Variants in VPS13B observed in about 807,000 individuals in gnomAD.
VPS13B encodes intermembrane lipid transfer protein VPS13B.
Under a neutral mutation model 426.4 loss-of-function variants are expected in VPS13B, and 285 were observed. That is an observed-to-expected ratio of 0.67 (90% confidence interval 0.61 to 0.74). The LOEUF (loss-of-function observed/expected upper bound fraction) is 0.74, where lower values mean the gene tolerates loss of function less well. VPS13B is among the 30% of genes least tolerant of loss of function. VPS13B has a pLI of 0.00. For missense variants in VPS13B, 4,537 were observed against 4,782.6 expected, an observed-to-expected ratio of 0.95 and a Z score of 1.51; for synonymous variants, 1,676 against 1,676.4, an observed-to-expected ratio of 1.00 and a Z score of 0.01.
chr8:99,764,380 G>A (rs1308484229), intron 39 of VPS13B, among the ~76,000 whole-genome samples: 2 of 141,898 alleles, frequency 1.4e-5, no homozygotes, highest in East Asian at 2.0e-4. Context: ...TTTCCTAGAT[G>A]TCTTTTTGTG....
chr8:99,139,021 T>G (rs2132566305), intron 12 of VPS13B, among the ~76,000 whole-genome samples: 1 of 152,314 alleles, frequency 6.6e-6, no homozygotes, highest in Admixed American at 6.5e-5. Context: ...AACTTTTGGG[T>G]TTTTCATATT....
chr8:99,669,708 G>A (rs1830629661), intron 35 of VPS13B, among the ~76,000 whole-genome samples: 1 of 151,964 alleles, frequency 6.6e-6, no homozygotes, highest in Admixed American at 6.6e-5. Flanking sequence ...TAATTTACCT[G>A]TCTAGTTGTC....
intron 19 of VPS13B, among the ~76,000 whole-genome samples, chr8:99,287,519 T>C (rs1819513458): frequency 6.6e-6 from 1 of 152,002 alleles, no homozygotes; most frequent in Non-Finnish European, 1.5e-5. Context: ...GAAGTCTTTC[T>C]TTGAATGTAA....
At chr8:99,871,142 C>T (rs2130973909) in intron 60 of VPS13B, 1 of 598,696 alleles carries the variant, frequency 1.7e-6, no homozygotes, top group East Asian at 2.9e-5. Flanking sequence ...CAGAGAAACC[C>T]AGTCTTGCTA....
chr8:99,377,206 G>A (rs1291688741), intron 19 of VPS13B, among the ~76,000 whole-genome samples: 1 of 151,638 alleles, frequency 6.6e-6, no homozygotes, highest in Non-Finnish European at 1.5e-5. Context: ...CTAGATTTAA[G>A]GTTTACTATC....
chr8:99,772,906 G>T (rs1811580761), intron 40 of VPS13B, among the ~76,000 whole-genome samples: 1 of 152,184 alleles, frequency 6.6e-6, no homozygotes, highest in Non-Finnish European at 1.5e-5. Context: ...GTGGGTAGGG[G>T]AGAATTTATG....
intron 2 of VPS13B, among the ~76,000 whole-genome samples, chr8:99,019,068 A>G (rs1312488642): frequency 1.3e-5 from 2 of 151,898 alleles, no homozygotes; most frequent in Non-Finnish European, 2.9e-5. Context: ...TGTCATATAT[A>G]TATATTGGCC....
chr8:99,272,725 T>C (rs191699382), intron 17 of VPS13B, among the ~76,000 whole-genome samples: 21 of 152,340 alleles, frequency 1.4e-4, no homozygotes, highest in African/African-American at 4.8e-4. Context: ...AAGTAGTACA[T>C]AATAAAGATG....
intron 30 of VPS13B, among the ~76,000 whole-genome samples, chr8:99,547,983 C>T (rs1824080712): frequency 6.6e-6 from 1 of 152,042 alleles, no homozygotes; most frequent in Non-Finnish European, 1.5e-5. Flanking sequence ...TGATAGCAAA[C>T]ATTTCTAGGA....
intron 55 of VPS13B, among the ~76,000 whole-genome samples, chr8:99,852,882 A>G (rs1816364395): frequency 6.6e-6 from 1 of 152,126 alleles, no homozygotes; most frequent in African/African-American, 2.4e-5. Context: ...TGATGGAGGA[A>G]AGGGGTGTGA....
At chr8:99,493,885 G>A (rs1241651606) in intron 25 of VPS13B, among the ~76,000 whole-genome samples, 3 of 151,112 alleles carry the variant, frequency 2.0e-5, no homozygotes, top group African/African-American at 7.3e-5. Context: ...ATTTTAAAGA[G>A]AACACAGAGA....
chr8:99,168,794 G>A (rs1035493277), intron 15 of VPS13B, among the ~76,000 whole-genome samples: 1 of 151,938 alleles, frequency 6.6e-6, no homozygotes, highest in African/African-American at 2.4e-5. Context: ...AGGTGCTGAT[G>A]GGTGCATCAC....
In VPS13B at chr8:99,217,403, T is replaced by A. The variant is rs144605033; in HGVS notation, c.2515+24346T>A. Among the ~76,000 whole-genome samples, 489 of 152,330 alleles carry A rather than the reference T, an allele frequency of 3.2e-3. 4 individuals are homozygous for A. The highest frequency in any genetic ancestry group is 0.026 in the East Asian group (134 of 5,182). On this transcript the variant is annotated intron_variant, in intron 17 of 61. Transcript: ENST00000357162. ...TAATTCCGCTACCTGATAATGATAG[T>A]ACCTAAGAATGTGATTTAGAGAATT...
Position 99,828,394 on chromosome 8 carries a change from G to GTTTTTTTTTTTTTTTTTTTTTTTTTT in VPS13B, c.9331-3960_9331-3935dup, listed in dbSNP as rs555108452. ...ATCAGAGACTAGGATTACAACCACC[G>GTTTTTTTTTTTTTTTTTTTTTTTTTT]TTTTTTTTTTTTTTTTTTTTTTTTT... On this transcript the variant is annotated intron_variant, in intron 51 of 61. Coordinates refer to ENST00000357162, the MANE Select transcript of VPS13B (RefSeq NM_152564.5). 1.5e-3 allele frequency among the ~76,000 whole-genome samples: 26 copies of GTTTTTTTTTTTTTTTTTTTTTTTTTT among 17,422 alleles called. 7 individuals are homozygous for GTTTTTTTTTTTTTTTTTTTTTTTTTT. Among genetic ancestry groups the GTTTTTTTTTTTTTTTTTTTTTTTTTT allele is most frequent in the Admixed American group, 2.3e-3 (3 of 1,290 alleles). The allele number at this position is 17,422 out of a possible 152,430, so 11.4% of individuals were successfully genotyped here.
intron 30 of VPS13B, among the ~76,000 whole-genome samples, chr8:99,542,993 C>T (rs896122327): frequency 3.3e-5 from 5 of 152,074 alleles, no homozygotes; most frequent in African/African-American, 1.2e-4. Flanking sequence ...AAAAAGAGCC[C>T]GCATTGCCAA....
At chr8:99,623,206 T>C in intron 33 of VPS13B, among the ~76,000 whole-genome samples, 1 of 152,194 alleles carries the variant, frequency 6.6e-6, no homozygotes, top group Admixed American at 6.5e-5. Context: ...GCATGTCTTT[T>C]GTGATTCCTG....
intron 3 of VPS13B, among the ~76,000 whole-genome samples, chr8:99,048,984 C>T (rs113408989): frequency 1.4e-3 from 217 of 152,194 alleles, no homozygotes; most frequent in African/African-American, 4.9e-3. Flanking sequence ...ATAGATACTG[C>T]CTTTTGCTTT....
chr8:99,121,121 A>C, intron 7 of VPS13B, 56 bp from the exon 8 acceptor site: 1 of 1,531,578 alleles, frequency 6.5e-7, no homozygotes, highest in South Asian at 1.2e-5. Context: ...GTCTATTTCT[A>C]TTCTCTTAGT....
chr8:99,380,818 G>A (rs950150843), intron 19 of VPS13B, among the ~76,000 whole-genome samples: 3 of 150,280 alleles, frequency 2.0e-5, no homozygotes, highest in African/African-American at 7.3e-5. Context: ...ACCAGCTATG[G>A]TTTATTCTGA....
Sources: allele counts gnomAD v4.1 joint callset (sites outside exome capture counted in the v4.1 genomes callset), GRCh38; gene constraint gnomAD v4.1.1; transcripts MANE v1.5; gene names NCBI Gene and HGNC (gene_info 2026-07-23, HGNC 2026-07-21).